The following TRPC4 variants were observed in gnomAD, a reference collection of about 807,000 sequenced individuals.
TRPC4 encodes short transient receptor potential channel 4.
A neutral mutation model predicts 99.4 loss-of-function variants in TRPC4; 49 were observed. The ratio of observed to expected loss-of-function variants is 0.49; its 90% CI spans 0.39 to 0.63. The LOEUF (loss-of-function observed/expected upper bound fraction) is 0.63. TRPC4 is among the 20% of genes least tolerant of loss of function. The pLI, the probability that TRPC4 is intolerant of heterozygous loss-of-function variation, is 0.00. For missense variants in TRPC4, 898 were observed against 1,152.9 expected (o/e 0.78, Z 3.20); for synonymous variants, 454 against 425.9 (o/e 1.07, Z -0.81).
chr13:37,868,007 C>T (rs1000356330), intron 1 of TRPC4, among the ~76,000 whole-genome samples: 2 of 151,996 alleles, frequency 1.3e-5, no homozygotes, highest in African/African-American at 4.8e-5. Context: ...CTGTTATTTC[C>T]TATTAATACA....
intron 1 of TRPC4, among the ~76,000 whole-genome samples, chr13:37,795,574 C>T (rs1211430688): frequency 2.0e-5 from 3 of 152,100 alleles, no homozygotes; most frequent in Non-Finnish European, 2.9e-5. Flanking sequence ...CAGATATTTT[C>T]CCAATGACTA....
intron 1 of TRPC4, among the ~76,000 whole-genome samples, chr13:37,841,907 G>C (rs1275030224): frequency 6.6e-6 from 1 of 152,100 alleles, no homozygotes; most frequent in African/African-American, 2.4e-5. Flanking sequence ...CCAGATAAAT[G>C]AAGACTTACA....
At chr13:37,824,504 G>A (rs1271133121) in intron 1 of TRPC4, among the ~76,000 whole-genome samples, 11 of 152,042 alleles carry the variant, frequency 7.2e-5, no homozygotes, top group Admixed American at 2.0e-4. Flanking sequence ...TTTTGTCAAA[G>A]GCCTTTTCTG....
At chr13:37,784,312 AT>A (rs144481246) in intron 1 of TRPC4, among the ~76,000 whole-genome samples, 3,433 of 152,182 alleles carry the variant, frequency 0.023, 54 homozygotes, top group Non-Finnish European at 0.035. Context: ...ATTCATTATA[AT>A]TTTTTTATTT....
rs114302376 is a variant in TRPC4, at chr13:37,664,068, G to A, written c.1375-339C>T. On this transcript the variant is annotated intron_variant, in intron 5 of 10. Coordinates refer to ENST00000379705, the MANE Select transcript of TRPC4 (RefSeq NM_016179.4). ...ATTGCTAACTTTTTACATTTAATAT[G>A]CAGGAAATATAACATTTATCTGAAT... 4.8e-3 allele frequency among the ~76,000 whole-genome samples: 725 copies of A among 152,190 alleles called. 9 individuals carry two copies. The highest frequency in any genetic ancestry group is 0.017 in the African/African-American group (701 of 41,524).
rs922432827 is a variant in TRPC4, at chr13:37,775,679, C to T, written c.378+7277G>A. Among the ~76,000 whole-genome samples, 7 of 151,850 alleles carry T rather than the reference C, an allele frequency of 4.6e-5. No individual in the cohort carries two copies. In the East Asian group the frequency reaches 1.4e-3, roughly 30 times the overall value. ...GCCAACCTAAAGAGACTACATGACT[C>T]AGTTTCTCTACCTAAACATAGAGAA... On this transcript the variant is annotated intron_variant, in intron 2 of 10. Coordinates refer to ENST00000379705, the MANE Select transcript of TRPC4 (RefSeq NM_016179.4).
At chr13:37,692,361 A>G (rs1372762131) in intron 3 of TRPC4, 26 bp from the exon 4 acceptor site, 1 of 1,587,424 alleles carries the variant, frequency 6.3e-7, no homozygotes, top group African/African-American at 1.3e-5. Flanking sequence ...AGGAAAAGGA[A>G]AAATAAGTCA....
At chr13:37,794,449 T>C (rs1179900488) in intron 1 of TRPC4, among the ~76,000 whole-genome samples, 1 of 152,098 alleles carries the variant, frequency 6.6e-6, no homozygotes, top group Non-Finnish European at 1.5e-5. Context: ...TTTAATAGTA[T>C]AATACTTATC....
chr13:37,819,829 TA>T (rs200418516), intron 1 of TRPC4, among the ~76,000 whole-genome samples: 55 of 133,730 alleles, frequency 4.1e-4, no homozygotes, highest in Admixed American at 9.0e-4. Flanking sequence ...AAATGAAAGT[TA>T]AAAAAAAAAA....
intron 4 of TRPC4, among the ~76,000 whole-genome samples, chr13:37,684,810 C>CACAT (rs1762477775): frequency 6.7e-6 from 1 of 150,104 alleles, no homozygotes; most frequent in South Asian, 2.1e-4. Context: ...CACACACACA[C>CACAT]ACACACACAC....
intron 3 of TRPC4, among the ~76,000 whole-genome samples, chr13:37,741,153 A>G (rs1187626603): frequency 6.6e-6 from 1 of 152,158 alleles, no homozygotes; most frequent in Non-Finnish European, 1.5e-5. Flanking sequence ...CCTTTTAATT[A>G]CTTACTTCAC....
At chr13:37,758,252 A>G (rs1410036157) in intron 2 of TRPC4, among the ~76,000 whole-genome samples, 2 of 151,886 alleles carry the variant, frequency 1.3e-5, no homozygotes, top group South Asian at 4.1e-4. Context: ...ATTTTCTGGT[A>G]AGGACACCAC....
chr13:37,632,505 T>C lies in TRPC4; in HGVS notation c.*4398A>G, dbSNP rs1020310998. 5.3e-5 allele frequency among the ~76,000 whole-genome samples: 8 copies of C among 152,186 alleles called. No homozygotes were observed. The highest frequency in any genetic ancestry group is 1.4e-4 in the African/African-American group (6 of 41,444). On this transcript the variant is annotated 3_prime_UTR_variant, in exon 11 of 11. Coordinates refer to ENST00000379705, the MANE Select transcript of TRPC4 (RefSeq NM_016179.4). The stretch of plus-strand genomic sequence containing the variant: ...AGCCGTATGAGTATAGGAGCTACGT[T>C]ACTGAACAGTGCAGCTCTAGAGGAA...
chr13:37,736,186 C>T (rs531272802), intron 3 of TRPC4, among the ~76,000 whole-genome samples: 1 of 152,112 alleles, frequency 6.6e-6, no homozygotes, highest in Non-Finnish European at 1.5e-5. Context: ...TCTGCCATTA[C>T]AGAGTGGCAG....
At position 37,674,253 on chromosome 13, in the gene TRPC4, G is replaced by C; in HGVS notation, c.1349C>G (p.Ser450Cys). Residue 450 changes from serine to cysteine, a missense_variant, in exon 5 of 11, where the codon TCC becomes TGC. By Grantham distance (112) the Ser-to-Cys change is moderately radical. This residue lies in a region of TRPC4 where 274 missense variants were observed against 454.9 expected (regional missense o/e 0.60). Transcript: ENST00000379705. ...CTTTACAAATGCAACAATTTTCAAG[G>C]AGATTGTTGCTAAATATAAGGAGTT... Reference protein sequence around the residue: ...VMNSLYLATISLKIVAFVKYS... With the variant: ...VMNSLYLATICLKIVAFVKYS... 6.3e-7 allele frequency: 1 copy of C among 1,588,146 alleles called. No individual in the cohort carries two copies. The highest frequency in any genetic ancestry group is 1.3e-5 in the African/African-American group (1 of 74,168).
chr13:37,685,474 G>A (rs1033013685), intron 4 of TRPC4, among the ~76,000 whole-genome samples: 6 of 152,166 alleles, frequency 3.9e-5, no homozygotes, highest in African/African-American at 1.4e-4. Context: ...CAGAGTTACT[G>A]TGAAGTTCGA....
intron 2 of TRPC4, among the ~76,000 whole-genome samples, chr13:37,752,957 A>G (rs534023095): frequency 6.0e-4 from 90 of 148,970 alleles, no homozygotes; most frequent in African/African-American, 2.2e-3. Flanking sequence ...CATAGCAGAA[A>G]ATTCCTCTCT....
chr13:37,730,278 CAT>C (rs764705556), intron 3 of TRPC4, among the ~76,000 whole-genome samples: 10 of 151,446 alleles, frequency 6.6e-5, no homozygotes, highest in East Asian at 1.9e-4. Context: ...TTATTACTTA[CAT>C]ATATATATAT....
At chr13:37,862,838 G>T (rs1297704663) in intron 1 of TRPC4, among the ~76,000 whole-genome samples, 1 of 151,544 alleles carries the variant, frequency 6.6e-6, no homozygotes, top group African/African-American at 2.4e-5. Flanking sequence ...GTGTGTGTAT[G>T]TGTGCGTATG....
Sources: gnomAD v4.1 joint callset for allele counts (sites outside exome capture counted in the v4.1 genomes callset) on GRCh38, gnomAD v4.1.1 for gene constraint, gnomAD v4.1.1 regional missense constraint, MANE v1.5 for transcripts, NCBI Gene and HGNC (gene_info 2026-07-23, HGNC 2026-07-21) for gene names.